The following CRTAC1 variants were observed in gnomAD, a reference collection of about 807,000 sequenced individuals.
CRTAC1 encodes cartilage acidic protein 1.
CRTAC1 carries 37 observed loss-of-function variants against 67.8 expected under a neutral mutation model. The ratio of observed to expected loss-of-function variants is 0.55; its 90% confidence interval spans 0.42 to 0.72. CRTAC1 has a LOEUF of 0.72. Among genes scored for constraint, CRTAC1 ranks in the 30% least tolerant of loss-of-function variants. The pLI, the probability that CRTAC1 is intolerant of heterozygous loss-of-function variation, is 0.00. For missense variants in CRTAC1, 780 were observed against 931.6 expected (o/e 0.84, Z 2.12); for synonymous variants, 348 against 371.0 (o/e 0.94, Z 0.71).
At chr10:98,013,915 C>T (rs1217593942) in intron 1 of CRTAC1, among the ~76,000 whole-genome samples, 1 of 152,180 alleles carries the variant, frequency 6.6e-6, no homozygotes, top group Non-Finnish European at 1.5e-5. Flanking sequence ...CAGTGGTTGG[C>T]CTCCCCATGA....
At chr10:97,949,793 A>G (rs1349901795) in intron 2 of CRTAC1, among the ~76,000 whole-genome samples, 1 of 152,196 alleles carries the variant, frequency 6.6e-6, no homozygotes, top group African/African-American at 2.4e-5. Flanking sequence ...CAGTTCCCTC[A>G]TGTACAAAGT....
intron 1 of CRTAC1, among the ~76,000 whole-genome samples, chr10:98,015,353 G>GA (rs1842976202): frequency 1.3e-5 from 2 of 152,150 alleles, no homozygotes; most frequent in African/African-American, 4.8e-5. Context: ...GGTATAGGGG[G>GA]AAATGGGAGT....
chr10:98,005,081 CATAT>C (rs1321278482), intron 2 of CRTAC1, among the ~76,000 whole-genome samples: 19 of 54,588 alleles, frequency 3.5e-4, no homozygotes, highest in African/African-American at 9.9e-4. Flanking sequence ...TAAAGTAATA[CATAT>C]ATATATATAT....
intron 12 of CRTAC1, 54 bp downstream of exon 12, chr10:97,884,152 G>A: frequency 1.3e-6 from 2 of 1,534,294 alleles, no homozygotes; most frequent in East Asian, 2.5e-5. Context: ...CAGCCCATGG[G>A]GTTGTGGGTG....
At chr10:97,896,117 G>T (rs2050455773) in intron 9 of CRTAC1, 132 bp from the exon 10 acceptor site, 1 of 726,618 alleles carries the variant, frequency 1.4e-6, no homozygotes, top group Non-Finnish European at 2.3e-6. Context: ...GGGCAGGAAG[G>T]CTGGGGCTTG....
chr10:97,936,793 C>T (rs149917826), intron 2 of CRTAC1, among the ~76,000 whole-genome samples: 17 of 152,292 alleles, frequency 1.1e-4, no homozygotes, highest in African/African-American at 4.1e-4. Flanking sequence ...ATTAGTAACC[C>T]ATTTTATGGA....
chr10:97,895,427 G>A lies in CRTAC1; in HGVS notation c.1318-14C>T, dbSNP rs753087625. ...GTTGTTGAAGCCCTGCAGAGAGGGT[G>A]AGAGGCAGACACCCGGTGGGCATCA... On this transcript the variant is annotated splice_polypyrimidine_tract_variant and intron_variant, in intron 10 of 14. Coordinates refer to ENST00000370597, the MANE Select transcript of CRTAC1 (RefSeq NM_018058.7). This position sits in a 1 kb window ranked among gnomAD's most constrained non-coding sequence, Gnocchi z 4.2. The A allele has an allele frequency of 1.9e-6, 3 of 1,579,160 alleles. No individual in the cohort carries two copies. Among genetic ancestry groups the A allele is most frequent in the Admixed American group, 3.5e-5 (2 of 56,512 alleles).
intron 4 of CRTAC1, among the ~76,000 whole-genome samples, chr10:97,921,034 TG>T (rs1479596156): frequency 6.6e-6 from 1 of 150,902 alleles, no homozygotes. Context: ...CATGGCAGAG[TG>T]GGGGCGGGGC....
rs3838741 is a variant in CRTAC1, at chr10:97,878,450, C to CT, written c.1819+1798dup. ...CCATGATATCAGAAAATGGCAGGGG[C>CT]TTTTTTTTTGTTGAATATGTTTTTA... On this transcript the variant is annotated intron_variant, in intron 14 of 14. Transcript: ENST00000370597. 9.8e-3 allele frequency: 3,826 copies of CT among 392,266 alleles called. 110 individuals carry two copies. The highest frequency in any genetic ancestry group is 0.067 in the African/African-American group (3,112 of 46,660). The allele number at this position is 392,266 out of a possible 1,614,324, so 24.3% of individuals were successfully genotyped here.
At chr10:97,934,823 C>T (rs745471953) in intron 3 of CRTAC1, among the ~76,000 whole-genome samples, 14 of 152,188 alleles carry the variant, frequency 9.2e-5, no homozygotes, top group Non-Finnish European at 1.6e-4. Context: ...GGACACAGGG[C>T]CCTACATCCC....
In CRTAC1 at chr10:98,030,455, G is replaced by T; in HGVS notation, c.18C>A (p.Asp6Glu). 2 of 1,250,454 alleles carry T rather than the reference G, an allele frequency of 1.6e-6. No individual in the cohort carries two copies. The highest frequency in any genetic ancestry group is 4.1e-5 in the South Asian group (1 of 24,592). 77.5% of individuals were successfully genotyped at this position (1,250,454 alleles called of 1,614,324 possible). ...CACCGGTGCAGATACTCACGCCGGG[G>T]TCAGCGCTCGGAGCCATCCTCCCGC... MAPSA[D>E]PGMSRMLPFL... The change falls in exon 1 of 15, where the codon GAC becomes GAA. Residue 6 changes from aspartate (D) to glutamate (E), a missense_variant. Physicochemically the swap from Asp to Glu is conservative, Grantham distance 45. Transcript: ENST00000370597. This position sits in a 1 kb window ranked among gnomAD's most constrained non-coding sequence, Gnocchi z 4.2.
At chr10:97,967,035 A>G (rs2051629537) in intron 2 of CRTAC1, among the ~76,000 whole-genome samples, 2 of 144,146 alleles carry the variant, frequency 1.4e-5, no homozygotes, top group South Asian at 4.7e-4. Context: ...GAAGGAAGTC[A>G]CTATGCGGCA....
intron 2 of CRTAC1, among the ~76,000 whole-genome samples, chr10:97,937,270 T>C (rs1590222461): frequency 6.6e-6 from 1 of 152,082 alleles, no homozygotes; most frequent in African/African-American, 2.4e-5. Context: ...CCTCCAGACA[T>C]CCACACCGCT....
intron 14 of CRTAC1, among the ~76,000 whole-genome samples, chr10:97,876,236 G>A (rs369203381): frequency 5.3e-5 from 8 of 152,206 alleles, no homozygotes; most frequent in African/African-American, 1.9e-4. Flanking sequence ...GCCTTCGTCT[G>A]TCTGGGCTGT....
At chr10:98,027,351 T>A (rs898323755) in intron 1 of CRTAC1, among the ~76,000 whole-genome samples, 1 of 152,124 alleles carries the variant, frequency 6.6e-6, no homozygotes, top group African/African-American at 2.4e-5. Context: ...TAGAATGTCC[T>A]AGCACTCTGA....
chr10:97,904,851 C>A, intron 6 of CRTAC1, 37 bp from the exon 7 acceptor site: 1 of 1,558,978 alleles, frequency 6.4e-7, no homozygotes, highest in Admixed American at 2.1e-5. Context: ...GGGCGGCATC[C>A]CCTGCACACT....
intron 14 of CRTAC1, 89 bp from the exon 15 acceptor site, chr10:97,865,803 G>C: frequency 8.8e-7 from 1 of 1,137,932 alleles, no homozygotes. Context: ...CATTCTTTGG[G>C]CTCACCCTGC....
At chr10:98,002,757 C>T (rs992052687) in intron 2 of CRTAC1, among the ~76,000 whole-genome samples, 11 of 108,306 alleles carry the variant, frequency 1.0e-4, no homozygotes, top group Non-Finnish European at 1.5e-4. Flanking sequence ...CTTTACAAAA[C>T]TCACTTTTTT....
chr10:97,940,663 G>T (rs887595524), intron 2 of CRTAC1, among the ~76,000 whole-genome samples: 3 of 152,350 alleles, frequency 2.0e-5, no homozygotes, highest in African/African-American at 7.2e-5. Flanking sequence ...CAGCCTGGGG[G>T]TGGGGTCCTG....
Sources: allele counts gnomAD v4.1 joint callset (sites outside exome capture counted in the v4.1 genomes callset), GRCh38; gene constraint gnomAD v4.1.1; non-coding constraint Gnocchi (gnomAD v3.1); transcripts MANE v1.5; gene names NCBI Gene and HGNC (gene_info 2026-07-23, HGNC 2026-07-21).